Variants in GRID2 observed in about 807,000 individuals in gnomAD.
The protein encoded by GRID2 is glutamate receptor ionotropic, delta-2.
GRID2 carries 33 observed loss-of-function variants against 114.8 expected under a neutral mutation model. That is an observed-to-expected ratio of 0.29 (90% CI 0.22 to 0.38). GRID2 has a LOEUF of 0.38. Ranked by LOEUF, GRID2 falls within the 10% of genes least tolerant of loss-of-function variation. The probability of loss-of-function intolerance (pLI) is 1.00; values close to 1 mark genes in which losing one functional copy is unlikely to be tolerated. For synonymous variants in GRID2, 505 were observed against 449.9 expected, an observed-to-expected ratio of 1.12 and a Z score of -1.55; for missense variants, 1,184 against 1,257.7, an observed-to-expected ratio of 0.94 and a Z score of 0.89.
At chr4:93,087,389 G>T (rs1011099698) in intron 3 of GRID2, among the ~76,000 whole-genome samples, 10 of 152,034 alleles carry the variant, frequency 6.6e-5, no homozygotes, top group Admixed American at 1.3e-4. Context: ...CATTATAAAT[G>T]ACCATGAAGA....
At chr4:92,389,634 G>A (rs777898297) in intron 1 of GRID2, among the ~76,000 whole-genome samples, 7 of 152,022 alleles carry the variant, frequency 4.6e-5, no homozygotes, top group East Asian at 1.9e-4. Flanking sequence ...AACAGAAACC[G>A]AGTTAATGTA....
intron 2 of GRID2, among the ~76,000 whole-genome samples, chr4:92,815,139 G>A (rs1485685299): frequency 1.3e-5 from 2 of 151,998 alleles, no homozygotes; most frequent in South Asian, 2.1e-4. Flanking sequence ...TTGTGCCCAG[G>A]ATTTTTAAAA....
intron 1 of GRID2, among the ~76,000 whole-genome samples, chr4:92,402,181 C>G (rs1191336387): frequency 6.6e-6 from 1 of 152,134 alleles, no homozygotes; most frequent in East Asian, 1.9e-4. Context: ...AGTTCTCTTG[C>G]TATTTACACC....
At chr4:92,825,380 C>A (rs1186641374) in intron 2 of GRID2, among the ~76,000 whole-genome samples, 2 of 152,136 alleles carry the variant, frequency 1.3e-5, no homozygotes, top group African/African-American at 4.8e-5. Context: ...ACATAAGCAG[C>A]AGCTCTGCTT....
intron 1 of GRID2, among the ~76,000 whole-genome samples, chr4:92,462,293 C>A (rs1410893969): frequency 6.6e-6 from 1 of 151,984 alleles, no homozygotes; most frequent in Non-Finnish European, 1.5e-5. Context: ...AAAGCTTAAC[C>A]TTTAATTGTA....
intron 2 of GRID2, among the ~76,000 whole-genome samples, chr4:92,717,665 G>A (rs1735614933): frequency 6.6e-6 from 1 of 152,136 alleles, no homozygotes; most frequent in Non-Finnish European, 1.5e-5. Context: ...AGTCACAGAT[G>A]TAACTGCATT....
intron 1 of GRID2, among the ~76,000 whole-genome samples, chr4:92,307,479 G>T (rs1725469187): frequency 6.6e-6 from 1 of 151,988 alleles, no homozygotes; most frequent in Admixed American, 6.6e-5. Context: ...AATTATTTTG[G>T]TATTGAACCA....
At chr4:93,277,657 G>T (rs76682289) in intron 8 of GRID2, among the ~76,000 whole-genome samples, 1 of 151,702 alleles carries the variant, frequency 6.6e-6, no homozygotes, top group Non-Finnish European at 1.5e-5. Flanking sequence ...TTAGCTAAGT[G>T]TAAATATGAT....
At chr4:93,418,257 A>G (rs1364986148) in intron 9 of GRID2, among the ~76,000 whole-genome samples, 1 of 151,618 alleles carries the variant, frequency 6.6e-6, no homozygotes, top group Admixed American at 6.6e-5. Flanking sequence ...TCCTCTATTT[A>G]TTCTTGCTTT....
At chr4:92,989,061 A>T (rs925505516) in intron 2 of GRID2, among the ~76,000 whole-genome samples, 1 of 152,058 alleles carries the variant, frequency 6.6e-6, no homozygotes, top group African/African-American at 2.4e-5. Context: ...GCAGATCACG[A>T]GGTCCGGAGA....
At chr4:93,716,007 A>C (rs1345442949) in intron 14 of GRID2, among the ~76,000 whole-genome samples, 1 of 152,142 alleles carries the variant, frequency 6.6e-6, no homozygotes, top group Admixed American at 6.6e-5. Context: ...GTCTTGTGCC[A>C]GTTATCAAGG....
chr4:92,343,264 C>G (rs369714179), intron 1 of GRID2, among the ~76,000 whole-genome samples: 29 of 150,736 alleles, frequency 1.9e-4, no homozygotes, highest in East Asian at 1.2e-3. Flanking sequence ...CAAATCAAAT[C>G]AACATATATA....
chr4:92,815,938 AGGAAAG>A (rs1740877863), intron 2 of GRID2, among the ~76,000 whole-genome samples: 2 of 119,070 alleles, frequency 1.7e-5, no homozygotes, highest in Non-Finnish European at 1.8e-5. Context: ...AAAAAAAAAA[AGGAAAG>A]AAAAAAACAA....
At chr4:93,015,623 G>GCAACAT (rs1722611444) in intron 2 of GRID2, among the ~76,000 whole-genome samples, 1 of 152,022 alleles carries the variant, frequency 6.6e-6, no homozygotes, top group Non-Finnish European at 1.5e-5. Context: ...AATCCTCACA[G>GCAACAT]CAACATCAGG....
intron 8 of GRID2, among the ~76,000 whole-genome samples, chr4:93,256,545 G>A (rs1749614893): frequency 6.6e-6 from 1 of 151,562 alleles, no homozygotes; most frequent in Non-Finnish European, 1.5e-5. Flanking sequence ...GACCTATATT[G>A]AGGAACAAAA....
chr4:93,331,135 C>CCT (rs1758390963), intron 8 of GRID2, among the ~76,000 whole-genome samples: 1 of 147,892 alleles, frequency 6.8e-6, no homozygotes, highest in Non-Finnish European at 1.5e-5. Context: ...AACCCCCCCC[C>CCT]CATTTCACTC....
intron 11 of GRID2, among the ~76,000 whole-genome samples, chr4:93,482,627 A>T (rs2149448581): frequency 6.6e-6 from 1 of 152,056 alleles, no homozygotes; most frequent in East Asian, 1.9e-4. Flanking sequence ...TTTACAGCAA[A>T]CCACCATAGC....
intron 8 of GRID2, among the ~76,000 whole-genome samples, chr4:93,247,553 C>T (rs1342668492): frequency 3.9e-5 from 6 of 152,044 alleles, no homozygotes; most frequent in African/African-American, 1.2e-4. Context: ...CCCCAGTTCT[C>T]GGGCCTTACA....
chr4:92,675,550 A>ACTTTTTTTTTT, intron 2 of GRID2, among the ~76,000 whole-genome samples: 1 of 139,992 alleles, frequency 7.1e-6, no homozygotes, highest in Non-Finnish European at 1.6e-5. Flanking sequence ...TTTGGGCTAC[A>ACTTTTTTTTTT]ATTTTTTTTT....
Sources: gnomAD v4.1 joint callset for allele counts (sites outside exome capture counted in the v4.1 genomes callset) on GRCh38, gnomAD v4.1.1 for gene constraint, MANE v1.5 for transcripts, NCBI Gene and HGNC (gene_info 2026-07-23, HGNC 2026-07-21) for gene names.